Variants in C3orf22 observed in about 807,000 individuals in gnomAD.
C3orf22 encodes chromosome 3 open reading frame 22, also known as uncharacterized protein C3orf22.
Under a neutral mutation model 10.8 loss-of-function variants are expected in C3orf22, and 7 were observed. The ratio of observed to expected loss-of-function variants is 0.65; its 90% CI spans 0.37 to 1.22. The LOEUF is 1.22. Among genes scored for constraint, C3orf22 ranks in the 50% most tolerant of loss-of-function variants. The pLI, the probability that C3orf22 is intolerant of heterozygous loss-of-function variation, is 0.02. For missense variants in C3orf22, 173 were observed against 177.0 expected, an observed-to-expected ratio of 0.98 and a Z score of 0.13; for synonymous variants, 79 against 78.9, an observed-to-expected ratio of 1.00 and a Z score of 0.00.
At chr3:126,553,226 T>A (rs886552905) in intron 2 of C3orf22, 76 bp downstream of exon 2, 2 of 1,014,496 alleles carry the variant, frequency 2.0e-6, no homozygotes, top group African/African-American at 3.2e-5. Context: ...CCCCACAGAA[T>A]GCATTTGAGT....
chr3:126,545,961 C>T (rs1477295469), downstream of C3orf22, among the ~76,000 whole-genome samples: 7 of 152,184 alleles, frequency 4.6e-5, no homozygotes, highest in Admixed American at 4.6e-4. Context: ...ATTCACTTTT[C>T]AAGTATCCCA....
chr3:126,554,865 T>C (rs1474169480), intron 1 of C3orf22, among the ~76,000 whole-genome samples: 1 of 152,168 alleles, frequency 6.6e-6, no homozygotes, highest in Non-Finnish European at 1.5e-5. Context: ...GCTGGGTCCT[T>C]GTGGCCTAGC....
At chr3:126,549,283 C>T (rs897534637), downstream of C3orf22, among the ~76,000 whole-genome samples, 6 of 150,474 alleles carry the variant, frequency 4.0e-5, no homozygotes, top group Non-Finnish European at 8.9e-5. Flanking sequence ...ATACACACAC[C>T]GTTTTTAGTA....
At chr3:126,542,603 G>A (rs1936992012) in intron 4 of C3orf22, 3 of 1,449,960 alleles carry the variant, frequency 2.1e-6, no homozygotes, top group Non-Finnish European at 1.8e-6. Context: ...CTGTGGCCAC[G>A]CGGGGCAAGT....
chr3:126,542,095 A>G, intron 4 of C3orf22: 2 of 1,583,376 alleles, frequency 1.3e-6, no homozygotes, highest in Non-Finnish European at 1.7e-6. Flanking sequence ...AGCGCCTGGC[A>G]TCGGCTTACC....
chr3:126,554,980 T>A (rs1937292288), intron 1 of C3orf22, among the ~76,000 whole-genome samples: 1 of 152,188 alleles, frequency 6.6e-6, no homozygotes, highest in Non-Finnish European at 1.5e-5. Flanking sequence ...GCTGGCTACA[T>A]GAGGCTATCA....
At chr3:126,533,807 TTAAACA>T (rs1378122267) in intron 4 of C3orf22, among the ~76,000 whole-genome samples, 1 of 152,244 alleles carries the variant, frequency 6.6e-6, no homozygotes, top group East Asian at 1.9e-4. Context: ...TGTTAATTCT[TTAAACA>T]TTTAGTAAAA....
intron 4 of C3orf22, among the ~76,000 whole-genome samples, chr3:126,531,228 C>T (rs1268999825): frequency 6.6e-6 from 1 of 152,238 alleles, no homozygotes; most frequent in African/African-American, 2.4e-5. Context: ...GGACCAGAAA[C>T]TCTAGAGGTG....
chr3:126,536,923 AC>A (rs1553813759), intron 4 of C3orf22, among the ~76,000 whole-genome samples: 1 of 141,458 alleles, frequency 7.1e-6, no homozygotes, highest in South Asian at 2.2e-4. Flanking sequence ...ACACACACAC[AC>A]CCCACACACA....
chr3:126,548,858 T>TA (rs1235315901), downstream of C3orf22, among the ~76,000 whole-genome samples: 1 of 152,130 alleles, frequency 6.6e-6, no homozygotes, highest in Non-Finnish European at 1.5e-5. Flanking sequence ...ACTTCCTTTC[T>TA]GAGACAATAA....
chr3:126,537,034 C>T (rs1560140902), intron 4 of C3orf22, among the ~76,000 whole-genome samples: 1 of 152,140 alleles, frequency 6.6e-6, no homozygotes, highest in South Asian at 2.1e-4. Context: ...AGGTCCCTCC[C>T]CTAGTGGAGC....
At chr3:126,528,257 A>G (rs1364889314) in intron 5 of C3orf22, among the ~76,000 whole-genome samples, 1 of 152,030 alleles carries the variant, frequency 6.6e-6, no homozygotes, top group African/African-American at 2.4e-5. Context: ...TGCTCTTCCT[A>G]TGGCTGTCAG....
intron 4 of C3orf22, chr3:126,541,747 C>T: frequency 6.7e-7 from 1 of 1,492,316 alleles, no homozygotes; most frequent in Non-Finnish European, 8.9e-7. Context: ...CGCGCTCGAC[C>T]CTGGCGAAGG....
At chr3:126,548,707 C>T (rs1405010994), downstream of C3orf22, among the ~76,000 whole-genome samples, 1 of 152,152 alleles carries the variant, frequency 6.6e-6, no homozygotes, top group Non-Finnish European at 1.5e-5. Flanking sequence ...CGGCACAGTG[C>T]AGCCCGGTCA....
chr3:126,550,155 G>A, intron 3 of C3orf22, 77 bp from the exon 4 acceptor site: 1 of 1,525,202 alleles, frequency 6.6e-7, no homozygotes, highest in Non-Finnish European at 8.9e-7. Context: ...AGAGAAGTCA[G>A]CCAGGGCCAC....
At chr3:126,532,960 A>G (rs1379860782) in intron 4 of C3orf22, among the ~76,000 whole-genome samples, 1 of 152,172 alleles carries the variant, frequency 6.6e-6, no homozygotes, top group Non-Finnish European at 1.5e-5. Flanking sequence ...CATGGTTTTC[A>G]GTGGACAGGT....
intron 4 of C3orf22, among the ~76,000 whole-genome samples, chr3:126,544,688 C>G (rs897015950): frequency 6.6e-6 from 1 of 152,224 alleles, no homozygotes; most frequent in East Asian, 1.9e-4. Context: ...CTGGATGTCT[C>G]ACTCCCAGGT....
downstream of C3orf22, among the ~76,000 whole-genome samples, chr3:126,549,249 A>ACCCCCCCCCCCCCC (rs71150448): frequency 6.8e-6 from 1 of 146,506 alleles, no homozygotes; most frequent in African/African-American, 2.7e-5. Flanking sequence ...CTCCTCATCC[A>ACCCCCCCCCCCCCC]CGCCCCCCCC....
At position 126,541,991 on chromosome 3, in the gene C3orf22, GGCC is replaced by G. The variant is rs1342718268; in HGVS notation, c.286+7543_286+7545del. ...CTCCGCGCAAGAGGCGCACGCGCCT[GGCC>G]GCCTGCCCTCACTGGCCGACTTCAG... is the stretch of plus-strand genomic sequence containing the variant. On this transcript the variant is annotated intron_variant and NMD_transcript_variant, in intron 4 of 5. Transcript: ENST00000505070. 12 of 1,564,214 alleles carry G rather than the reference GGCC, an allele frequency of 7.7e-6. No homozygotes were observed. The Admixed American group carries it at 2.2e-4, about 29-fold the overall frequency.
Sources: gnomAD v4.1 joint callset for allele counts (sites outside exome capture counted in the v4.1 genomes callset) on GRCh38, gnomAD v4.1.1 for gene constraint, MANE v1.5 for transcripts, NCBI Gene and HGNC (gene_info 2026-07-23, HGNC 2026-07-21) for gene names.